ZNF746: variants seen among roughly 807,000 people sequenced by gnomAD.
The protein encoded by ZNF746 is zinc finger protein 746, also known as parkin-interacting substrate.
Under a neutral mutation model 41.0 loss-of-function variants are expected in ZNF746, and 13 were observed. That is an observed-to-expected ratio of 0.32 (90% CI 0.21 to 0.50). The LOEUF (loss-of-function observed/expected upper bound fraction) is 0.50, where lower values mean the gene tolerates loss of function less well. Among genes scored for constraint, ZNF746 ranks in the 20% least tolerant of loss-of-function variants. The pLI, the probability that ZNF746 is intolerant of heterozygous loss-of-function variation, is 0.98. For missense variants in ZNF746, 811 were observed against 922.9 expected (o/e 0.88, Z 1.57); for synonymous variants, 424 against 396.2 (o/e 1.07, Z -0.83).
intron 4 of ZNF746, among the ~76,000 whole-genome samples, chr7:149,478,367 T>C (rs761276813): frequency 3.9e-5 from 6 of 152,192 alleles, no homozygotes; most frequent in Non-Finnish European, 7.3e-5. Flanking sequence ...GAAAACTCTG[T>C]CTGCCTGCGG....
chr7:149,486,487 TGGTC>T (rs1562989997), intron 4 of ZNF746, among the ~76,000 whole-genome samples: 2 of 151,482 alleles, frequency 1.3e-5, no homozygotes, highest in Non-Finnish European at 2.9e-5. Context: ...CATTGTATTA[TGGTC>T]ACAAAATACA....
chr7:149,494,144 C>T lies in ZNF746; in HGVS notation c.325-29G>A, dbSNP rs1237174522. 1.9e-6 allele frequency: 3 copies of T among 1,614,100 alleles called. No homozygotes were observed. Among genetic ancestry groups the T allele is most frequent in the Non-Finnish European group, 2.5e-6 (3 of 1,179,956 alleles). On this transcript the variant is annotated intron_variant, in intron 2 of 6. Transcript: ENST00000458143. The surrounding 1 kb of genome is among the most constrained non-coding windows in gnomAD (Gnocchi z 5.6). ...GAACCACAAGTGTCACACTCGCTCA[C>T]CCACACGCTCACGGGTTTGGCCGCT...
In ZNF746 at chr7:149,493,947, T is replaced by G. The variant is rs765424688; in HGVS notation, c.451+42A>C. On this transcript the variant is annotated intron_variant, in intron 3 of 6. Coordinates refer to ENST00000458143, the MANE Select transcript of ZNF746 (RefSeq NM_001394198.1). ...ATGTGGAGGGAGAATTCTGAGGACT[T>G]GCAAAATCCCATTTAACAGAGAAAT... is the stretch of plus-strand genomic sequence containing the variant. The G allele has an allele frequency of 2.5e-6, 4 of 1,614,128 alleles. No homozygotes were observed. The Admixed American group carries it at 6.7e-5, about 27-fold the overall frequency.
rs1801042462 is a variant in ZNF746, at chr7:149,497,362, C to A, written c.24+151G>T. The A allele has an allele frequency of 3.0e-6, 3 of 989,918 alleles. No individual in the cohort carries two copies. Among genetic ancestry groups the A allele is most frequent in the Non-Finnish European group, 3.6e-6 (3 of 828,758 alleles). 61.3% of individuals were successfully genotyped at this position (989,918 alleles called of 1,614,324 possible). A position where few individuals can be genotyped will look rare whatever the true frequency, so the allele number is the denominator to read the frequency against. ...GGCCGACGGGCGCAGTAGGCCCCGGCGGACCCCGCGCCCCATTCGCGGGAG... is the reference window on the plus strand; with the variant it reads ...GGCCGACGGGCGCAGTAGGCCCCGGAGGACCCCGCGCCCCATTCGCGGGAG... On this transcript the variant is annotated intron_variant, in intron 1 of 6. Coordinates refer to ENST00000458143, the MANE Select transcript of ZNF746 (RefSeq NM_001394198.1). The surrounding 1 kb of genome is among the most constrained non-coding windows in gnomAD (Gnocchi z 4.2).
Position 149,497,467 on chromosome 7 carries a change from T to C in ZNF746, c.24+46A>G, listed in dbSNP as rs1801047395. 1 of 1,077,424 alleles carries C rather than the reference T, an allele frequency of 9.3e-7. No homozygotes were observed. The highest frequency in any genetic ancestry group is 1.7e-5 in the African/African-American group (1 of 58,678). The allele number at this position is 1,077,424 out of a possible 1,614,324, so 66.7% of individuals were successfully genotyped here. A position where few individuals can be genotyped will look rare whatever the true frequency, so the allele number is the denominator to read the frequency against. Reference sequence around the variant, plus strand: ...CGCCGTGTGCCGGGGCCGGGCCGCCTGGGGCCCCCAGGCCGCGAGTCCCTG... The same window carrying C: ...CGCCGTGTGCCGGGGCCGGGCCGCCCGGGGCCCCCAGGCCGCGAGTCCCTG... On this transcript the variant is annotated intron_variant, in intron 1 of 6. Coordinates refer to ENST00000458143, the MANE Select transcript of ZNF746 (RefSeq NM_001394198.1). The surrounding 1 kb of genome is among the most constrained non-coding windows in gnomAD (Gnocchi z 4.2).
At position 149,480,316 on chromosome 7, in the gene ZNF746, A is replaced by G. The variant is rs542472949; in HGVS notation, c.566-2561T>C. 6.5e-4 allele frequency among the ~76,000 whole-genome samples: 99 copies of G among 152,374 alleles called. 1 individual carries two copies. The South Asian group carries it at 0.013, about 19-fold the overall frequency. On this transcript the variant is annotated intron_variant, in intron 4 of 6. Coordinates refer to ENST00000458143, the MANE Select transcript of ZNF746 (RefSeq NM_001394198.1). ...TAAAGTTCAATTATTTACAGAAATA[A>G]AAAGGGGGAATGAAAGTATGGAGAA... is the stretch of plus-strand genomic sequence containing the variant.
intron 5 of ZNF746, 65 bp from the exon 6 acceptor site, chr7:149,477,112 G>C (rs1800330905): frequency 2.0e-6 from 3 of 1,533,188 alleles, no homozygotes; most frequent in Non-Finnish European, 2.6e-6. Context: ...AAGACTGTTG[G>C]GGAGGAGAGC....
chr7:149,495,568 G>T (rs1800968453), intron 1 of ZNF746, among the ~76,000 whole-genome samples: 1 of 152,176 alleles, frequency 6.6e-6, no homozygotes, highest in African/African-American at 2.4e-5. Context: ...GGAGCTCCTG[G>T]TATCGGGACC....
At chr7:149,493,884 T>C (rs1800894395) in intron 3 of ZNF746, 105 bp downstream of exon 3, 1 of 1,576,760 alleles carries the variant, frequency 6.3e-7, no homozygotes, top group Non-Finnish European at 8.7e-7. Flanking sequence ...GTCAACAATG[T>C]TTCTGGTGAT....
intron 3 of ZNF746, among the ~76,000 whole-genome samples, chr7:149,493,449 G>C (rs1294835850): frequency 6.6e-6 from 1 of 152,166 alleles, no homozygotes; most frequent in African/African-American, 2.4e-5. Flanking sequence ...AACCAGCCCA[G>C]GAAGAAACAG....
downstream of ZNF746, chr7:149,472,697 G>T (rs992733091): frequency 5.2e-5 from 8 of 152,526 alleles, no homozygotes; most frequent in African/African-American, 1.9e-4. Context: ...CTAGGAGGAG[G>T]GCACTAAGAA....
intron 4 of ZNF746, among the ~76,000 whole-genome samples, chr7:149,486,680 T>C (rs1800634770): frequency 6.6e-6 from 1 of 152,178 alleles, no homozygotes; most frequent in African/African-American, 2.4e-5. Flanking sequence ...TTACTTAGGA[T>C]ACATACTGAG....
chr7:149,483,177 A>G (rs1250327080), intron 4 of ZNF746, among the ~76,000 whole-genome samples: 1 of 152,240 alleles, frequency 6.6e-6, no homozygotes, highest in Non-Finnish European at 1.5e-5. Context: ...AAATAATCTG[A>G]GTCTAAGAAA....
At chr7:149,477,326 G>T (rs1012033080) in intron 5 of ZNF746, among the ~76,000 whole-genome samples, 1 of 152,184 alleles carries the variant, frequency 6.6e-6, no homozygotes, top group African/African-American at 2.4e-5. Context: ...GCGGCCTCAC[G>T]GTGATATAGG....
chr7:149,482,251 C>T (rs915321917), intron 4 of ZNF746, among the ~76,000 whole-genome samples: 1 of 152,030 alleles, frequency 6.6e-6, no homozygotes, highest in Admixed American at 6.5e-5. Flanking sequence ...CAAACAAATC[C>T]CCCAGCTATC....
chr7:149,493,042 CA>C, intron 3 of ZNF746, 70 bp from the exon 4 acceptor site: 1 of 991,882 alleles, frequency 1.0e-6, no homozygotes, highest in Non-Finnish European at 1.6e-6. Flanking sequence ...CCCGGAAAAC[CA>C]ACAATGGTCT....
chr7:149,477,047 C>T lies in ZNF746; in HGVS notation c.758G>A (p.Gly253Asp). The change falls in exon 6 of 7, where the codon GGT becomes GAT. Residue 253 changes from glycine to aspartate, a missense_variant and splice_region_variant. Physicochemically the swap from Gly to Asp is moderately conservative, Grantham distance 94. Coordinates refer to ENST00000458143, the MANE Select transcript of ZNF746 (RefSeq NM_001394198.1). ...GGTGGTGGAAAAGTTGGAATGGACA[C>T]CTGCGGTAAGGGGAGAGCAGAGCCG... ...AGDISTDATSGVHSNFSTTIP... is the reference protein window; with the variant it reads ...AGDISTDATSDVHSNFSTTIP... 6.2e-7 allele frequency: 1 copy of T among 1,612,014 alleles called. No homozygotes were observed. The highest frequency in any genetic ancestry group is 8.5e-7 in the Non-Finnish European group (1 of 1,179,158).
chr7:149,483,199 G>GA (rs1472294765), intron 4 of ZNF746, among the ~76,000 whole-genome samples: 3 of 152,092 alleles, frequency 2.0e-5, no homozygotes, highest in Non-Finnish European at 4.4e-5. Flanking sequence ...AAATCACAAT[G>GA]AAAATTAGAA....
chr7:149,473,830 G>A lies in ZNF746; in HGVS notation c.*554C>T. 1 of 157,104 alleles carries A rather than the reference G, an allele frequency of 6.4e-6. No homozygotes were observed. Among genetic ancestry groups the A allele is most frequent in the Non-Finnish European group, 1.4e-5 (1 of 70,592 alleles). 9.7% of individuals were successfully genotyped at this position (157,104 alleles called of 1,614,324 possible). ...GGGAAATGCAACCGCTACTCCCGGAGGGGTCCTTCCTGCTGCACTGAGGTG... is the reference window on the plus strand; with the variant it reads ...GGGAAATGCAACCGCTACTCCCGGAAGGGTCCTTCCTGCTGCACTGAGGTG... On this transcript the variant is annotated 3_prime_UTR_variant, in exon 7 of 7. Coordinates refer to ENST00000458143, the MANE Select transcript of ZNF746 (RefSeq NM_001394198.1).
Sources: allele counts gnomAD v4.1 joint callset (sites outside exome capture counted in the v4.1 genomes callset), GRCh38; gene constraint gnomAD v4.1.1; non-coding constraint Gnocchi (gnomAD v3.1); transcripts MANE v1.5; gene names NCBI Gene and HGNC (gene_info 2026-07-23, HGNC 2026-07-21).